Variants in DSCAML1 observed in about 807,000 individuals in gnomAD.
DSCAML1 encodes the protein cell adhesion molecule DSCAML1.
DSCAML1 carries 38 observed loss-of-function variants against 200.5 expected under a neutral mutation model. That is an observed-to-expected ratio of 0.19 (90% CI 0.15 to 0.25). The LOEUF (loss-of-function observed/expected upper bound fraction) is 0.25, where lower values mean the gene tolerates loss of function less well. Ranked by LOEUF, DSCAML1 falls within the 10% of genes least tolerant of loss-of-function variation. DSCAML1 has a pLI of 1.00. For synonymous variants in DSCAML1, 1,215 were observed against 1,165.0 expected, an observed-to-expected ratio of 1.04 and a Z score of -0.87; for missense variants, 2,223 against 2,858.8, an observed-to-expected ratio of 0.78 and a Z score of 5.07.
intron 3 of DSCAML1, among the ~76,000 whole-genome samples, chr11:117,669,151 AG>A (rs1250331549): frequency 6.6e-6 from 1 of 152,210 alleles, no homozygotes; most frequent in African/African-American, 2.4e-5. Context: ...CGACAATTAC[AG>A]TCAATCCAGC....
chr11:117,561,724 G>A (rs2050666910), intron 3 of DSCAML1, among the ~76,000 whole-genome samples: 1 of 152,210 alleles, frequency 6.6e-6, no homozygotes, highest in Non-Finnish European at 1.5e-5. Flanking sequence ...AAAAGCCCTT[G>A]GAGGTCACTC....
Position 117,505,878 on chromosome 11 carries a change from GCAGGGTCTC to G in DSCAML1, c.1784-155_1784-147del. The G allele has an allele frequency of 9.1e-6, 9 of 990,224 alleles. No homozygotes were observed. The highest frequency in any genetic ancestry group is 1.6e-5 in the African/African-American group (1 of 61,184). The allele number at this position is 990,224 out of a possible 1,614,324, so 61.3% of individuals were successfully genotyped here. A position where few individuals can be genotyped will look rare whatever the true frequency, so the allele number is the denominator to read the frequency against. ...ACTGCAGCCTTGTTCTCCTATGCAT[GCAGGGTCTC>G]CTAATGATGCCTGGCTCCTGTCCCT... On this transcript the variant is annotated intron_variant, in intron 8 of 32. Transcript: ENST00000651296. The surrounding 1 kb of genome is among the most constrained non-coding windows in gnomAD (Gnocchi z 6.7).
chr11:117,649,063 G>A (rs1464584709), intron 3 of DSCAML1, among the ~76,000 whole-genome samples: 6 of 151,504 alleles, frequency 4.0e-5, no homozygotes, highest in Admixed American at 1.3e-4. Flanking sequence ...GTGTGTGTGT[G>A]TGTGTGTGTG....
At chr11:117,707,451 G>A (rs1344637995) in intron 3 of DSCAML1, among the ~76,000 whole-genome samples, 2 of 152,120 alleles carry the variant, frequency 1.3e-5, no homozygotes, top group Admixed American at 1.3e-4. Flanking sequence ...CATCTCCCAG[G>A]TCAGCCCATT....
At chr11:117,457,383 T>G (rs2048392746) in intron 19 of DSCAML1, among the ~76,000 whole-genome samples, 1 of 152,052 alleles carries the variant, frequency 6.6e-6, no homozygotes, top group South Asian at 2.1e-4. Flanking sequence ...AGCTCAGGCC[T>G]TGCATCAGAA....
intron 19 of DSCAML1, among the ~76,000 whole-genome samples, chr11:117,451,827 AAT>A (rs1388691984): frequency 6.6e-6 from 1 of 150,908 alleles, no homozygotes; most frequent in Non-Finnish European, 1.5e-5. Flanking sequence ...AAAAAAAAAA[AAT>A]AATAAAGCAC....
chr11:117,656,056 A>G (rs1202293263), intron 3 of DSCAML1, among the ~76,000 whole-genome samples: 1 of 152,246 alleles, frequency 6.6e-6, no homozygotes, highest in African/African-American at 2.4e-5. Context: ...CCTGGCCAAC[A>G]TGGTGAAATC....
rs1449461673 is a variant in DSCAML1, at chr11:117,574,747, G to A, written c.512-42225C>T. Among the ~76,000 whole-genome samples the A allele has an allele frequency of 7.2e-5, 11 of 152,276 alleles. No individual in the cohort carries two copies. In the South Asian group the frequency reaches 1.9e-3, roughly 26 times the overall value. On this transcript the variant is annotated intron_variant, in intron 3 of 32. Transcript: ENST00000651296. ...CCAGCCCTACTGTGGGGCCTGCCAC[G>A]GAACCTCCCTGGGCACCAGCACCAG...
At position 117,518,907 on chromosome 11, in the gene DSCAML1, C is replaced by T. The variant is rs941175856; in HGVS notation, c.1214-145G>A. 1.8e-5 allele frequency: 16 copies of T among 908,074 alleles called. No individual in the cohort carries two copies. Among genetic ancestry groups the T allele is most frequent in the African/African-American group, 8.4e-5 (5 of 59,530 alleles). 56.3% of individuals were successfully genotyped at this position (908,074 alleles called of 1,614,324 possible). A position where few individuals can be genotyped will look rare whatever the true frequency, so the allele number is the denominator to read the frequency against. On this transcript the variant is annotated intron_variant, in intron 6 of 32. Coordinates refer to ENST00000651296, the MANE Select transcript of DSCAML1 (RefSeq NM_020693.4). This position sits in a 1 kb window ranked among gnomAD's most constrained non-coding sequence, Gnocchi z 6.3. ...TGTGTACATCAATTCTTCTGCTATC[C>T]GCAACCCCAAGTGGTGCCAGTTACT...
chr11:117,591,832 A>G (rs1351561376), intron 3 of DSCAML1, among the ~76,000 whole-genome samples: 2 of 151,242 alleles, frequency 1.3e-5, no homozygotes, highest in African/African-American at 4.9e-5. Context: ...TTTGCTTGGG[A>G]CTCTCTGTCC....
At chr11:117,797,487 T>C (rs2055606533), upstream of DSCAML1, among the ~76,000 whole-genome samples, 1 of 152,224 alleles carries the variant, frequency 6.6e-6, no homozygotes, top group Non-Finnish European at 1.5e-5. Flanking sequence ...GTGTCATCCA[T>C]GTGCCAACAG....
At position 117,544,284 on chromosome 11, in the gene DSCAML1, T is replaced by TA. The variant is rs1470151484; in HGVS notation, c.512-11763dup. On this transcript the variant is annotated intron_variant, in intron 3 of 32. Coordinates refer to ENST00000651296, the MANE Select transcript of DSCAML1 (RefSeq NM_020693.4). ...GGTTACCAGTTGCTGCTCCATGCAA[T>TA]ACAGATTTATAAAAACAGTGTCGTC... 1.1e-4 allele frequency among the ~76,000 whole-genome samples: 16 copies of TA among 152,312 alleles called. No homozygotes were observed. The East Asian group carries it at 3.1e-3, about 29-fold the overall frequency.
rs1381038491 is a variant in DSCAML1 at position 117,504,636 on chromosome 11, C to G, written c.2182+288G>C. Among the ~76,000 whole-genome samples, 1 of 152,078 alleles carries G rather than the reference C, an allele frequency of 6.6e-6. No homozygotes were observed. Among genetic ancestry groups the G allele is most frequent in the Non-Finnish European group, 1.5e-5 (1 of 68,002 alleles). On this transcript the variant is annotated intron_variant, in intron 10 of 32. Coordinates refer to ENST00000651296, the MANE Select transcript of DSCAML1 (RefSeq NM_020693.4). The surrounding 1 kb of genome is among the most constrained non-coding windows in gnomAD (Gnocchi z 5.0). Reference sequence around the variant, plus strand: ...CCAGGGGAGGGTGCGGTAGGGAAAGCAGGCATACACTGAGTTCTGGGGCGG... The same window carrying G: ...CCAGGGGAGGGTGCGGTAGGGAAAGGAGGCATACACTGAGTTCTGGGGCGG...
intron 1 of DSCAML1, among the ~76,000 whole-genome samples, chr11:117,814,185 T>G (rs111787030): frequency 2.0e-5 from 3 of 152,022 alleles, no homozygotes; most frequent in African/African-American, 7.3e-5. Context: ...TCCATTATCT[T>G]CCCAAATCCT....
chr11:117,732,309 C>T (rs1018211555), intron 3 of DSCAML1, among the ~76,000 whole-genome samples: 1 of 152,142 alleles, frequency 6.6e-6, no homozygotes, highest in Non-Finnish European at 1.5e-5. Flanking sequence ...AAGAAATGGG[C>T]CCAGGATTGC....
intron 3 of DSCAML1, among the ~76,000 whole-genome samples, chr11:117,584,209 C>T (rs1409877748): frequency 9.2e-5 from 14 of 152,248 alleles, no homozygotes; most frequent in African/African-American, 2.4e-5. Flanking sequence ...TAACTTTGGG[C>T]TCTAGCCCCA....
rs758886236 is a variant in DSCAML1 at position 117,780,875 on chromosome 11, G to T, written c.47-65C>A. On this transcript the variant is annotated intron_variant, in intron 1 of 32. Coordinates refer to ENST00000651296, the MANE Select transcript of DSCAML1 (RefSeq NM_020693.4). The surrounding 1 kb of genome is among the most constrained non-coding windows in gnomAD (Gnocchi z 4.8). ...CTCTAACAATACCCATATAAGCCACGGAGGCTTGCGACAGGCTGCACTCAT... is the reference window on the plus strand; with the variant it reads ...CTCTAACAATACCCATATAAGCCACTGAGGCTTGCGACAGGCTGCACTCAT... The T allele has an allele frequency of 5.3e-5, 69 of 1,305,756 alleles. No homozygotes were observed. The highest frequency in any genetic ancestry group is 6.4e-5 in the Non-Finnish European group (64 of 1,007,830). The allele number at this position is 1,305,756 out of a possible 1,614,324, so 80.9% of individuals were successfully genotyped here.
Position 117,529,065 on chromosome 11 carries a change from G to GTATT in DSCAML1, c.658+3307_658+3310dup, listed in dbSNP as rs199607020. On this transcript the variant is annotated intron_variant, in intron 4 of 32. Coordinates refer to ENST00000651296, the MANE Select transcript of DSCAML1 (RefSeq NM_020693.4). ...GCACTAGCTAAGCTTTTTATAGGCGGTATTTATTTATTTATTTATTTTGGA... is the reference window on the plus strand; with the variant it reads ...GCACTAGCTAAGCTTTTTATAGGCGGTATTTATTTATTTATTTATTTATTTTGGA... Among the ~76,000 whole-genome samples the GTATT allele has an allele frequency of 9.8e-3, 1,492 of 151,822 alleles. 28 individuals carry two copies. Among genetic ancestry groups the GTATT allele is most frequent in the African/African-American group, 0.034 (1,419 of 41,388 alleles).
chr11:117,529,982 C>T (rs2137336812), intron 4 of DSCAML1, among the ~76,000 whole-genome samples: 1 of 152,296 alleles, frequency 6.6e-6, no homozygotes, highest in Non-Finnish European at 1.5e-5. Flanking sequence ...TGCATGTGCC[C>T]CCTCCCTGGA....
Sources: gnomAD v4.1 joint callset for allele counts (sites outside exome capture counted in the v4.1 genomes callset) on GRCh38, gnomAD v4.1.1 for gene constraint, Gnocchi (gnomAD v3.1) non-coding constraint, MANE v1.5 for transcripts, NCBI Gene and HGNC (gene_info 2026-07-23, HGNC 2026-07-21) for gene names.